DDX31: variants seen among roughly 807,000 people sequenced by gnomAD.
DDX31 encodes ATP-dependent DNA helicase DDX31.
In DDX31, 70 loss-of-function variants were observed where a neutral mutation model predicts 91.3. That is an observed-to-expected ratio of 0.77 (90% CI 0.63 to 0.94). The LOEUF (loss-of-function observed/expected upper bound fraction) is 0.94, where lower values mean the gene tolerates loss of function less well. Among genes scored for constraint, DDX31 ranks in the 40% least tolerant of loss-of-function variants. DDX31 has a pLI of 0.00. For missense variants in DDX31, 902 were observed against 925.0 expected, an observed-to-expected ratio of 0.98 and a Z score of 0.32; for synonymous variants, 362 against 350.6, an observed-to-expected ratio of 1.03 and a Z score of -0.36.
intron 9 of DDX31, 85 bp downstream of exon 9, chr9:132,650,149 G>A: frequency 7.6e-7 from 1 of 1,320,106 alleles, no homozygotes; most frequent in Non-Finnish European, 1.1e-6. Flanking sequence ...AAAGCTCTCA[G>A]CAGGTTTAGA....
intron 1 of DDX31, among the ~76,000 whole-genome samples, chr9:132,668,797 T>C (rs1183911687): frequency 6.6e-6 from 1 of 152,178 alleles, no homozygotes; most frequent in Admixed American, 6.5e-5. Flanking sequence ...CTCGATCTCC[T>C]GACCTCGTGA....
intron 6 of DDX31, among the ~76,000 whole-genome samples, chr9:132,655,629 A>G (rs1248386524): frequency 6.6e-6 from 1 of 152,212 alleles, no homozygotes; most frequent in Non-Finnish European, 1.5e-5. Context: ...GTACTCTTTG[A>G]AATTTTTAAA....
chr9:132,603,145 CAA>C (rs1830813203), intron 19 of DDX31, among the ~76,000 whole-genome samples: 1 of 152,188 alleles, frequency 6.6e-6, no homozygotes, highest in South Asian at 2.1e-4. Context: ...CGTAAGCCCT[CAA>C]AAGAGATGCT....
chr9:132,669,624 C>T, intron 1 of DDX31: 1 of 1,528,276 alleles, frequency 6.5e-7, no homozygotes, highest in Non-Finnish European at 8.8e-7. Context: ...GCGCAGGAGC[C>T]AGCTCCCCGC....
chr9:132,646,700 A>AATG, intron 12 of DDX31, 123 bp downstream of exon 12: 1 of 863,542 alleles, frequency 1.2e-6, no homozygotes, highest in Non-Finnish European at 1.9e-6. Flanking sequence ...CTGCATCCGG[A>AATG]ATGCAGACAT....
rs750525105 is a variant in DDX31, at chr9:132,651,117, C to G, written c.634-1G>C. 1.2e-6 allele frequency: 2 copies of G among 1,606,766 alleles called. No homozygotes were observed. Among genetic ancestry groups the G allele is most frequent in the Non-Finnish European group, 8.5e-7 (1 of 1,177,740 alleles). On this transcript the variant is annotated splice_acceptor_variant, in intron 7 of 19. Transcript: ENST00000372159. LOFTEE classifies it high-confidence loss of function. Reference sequence around the variant, plus strand: ...CAGTGTCAAAGCTTTGTAGAGCTAGCTGTAAAAATTTTAAAAGTTATAGAT... The same window carrying G: ...CAGTGTCAAAGCTTTGTAGAGCTAGGTGTAAAAATTTTAAAAGTTATAGAT...
At chr9:132,638,510 T>C in intron 14 of DDX31, 1 of 1,142,168 alleles carries the variant, frequency 8.8e-7, no homozygotes, top group Non-Finnish European at 1.3e-6. Flanking sequence ...AACTTGGCTT[T>C]TTCTTAGATC....
At chr9:132,599,671 T>C (rs1830623898) in intron 19 of DDX31, among the ~76,000 whole-genome samples, 1 of 152,262 alleles carries the variant, frequency 6.6e-6, no homozygotes, top group Non-Finnish European at 1.5e-5. Flanking sequence ...TGTCTGCCTT[T>C]TGGCTTTGAG....
intron 19 of DDX31, among the ~76,000 whole-genome samples, chr9:132,606,440 G>A (rs1390984612): frequency 6.6e-6 from 1 of 152,154 alleles, no homozygotes; most frequent in Middle Eastern, 3.2e-3. Context: ...AAAGTTCAAG[G>A]GTGCTAAAAG....
intron 7 of DDX31, 115 bp downstream of exon 7, chr9:132,652,333 C>A: frequency 1.7e-6 from 2 of 1,186,630 alleles, no homozygotes; most frequent in Non-Finnish European, 2.4e-6. Flanking sequence ...GCAAATGGAA[C>A]TGGTGTGCAG....
At chr9:132,618,673 C>T (rs1831801930) in intron 17 of DDX31, among the ~76,000 whole-genome samples, 1 of 152,182 alleles carries the variant, frequency 6.6e-6, no homozygotes, top group African/African-American at 2.4e-5. Context: ...TATTTACTTA[C>T]TTTTCTTCCT....
intron 6 of DDX31, among the ~76,000 whole-genome samples, chr9:132,652,902 T>C (rs951485205): frequency 6.6e-6 from 1 of 152,138 alleles, no homozygotes; most frequent in African/African-American, 2.4e-5. Context: ...CCCCCAGCCA[T>C]GTGGAACTGT....
At chr9:132,653,494 C>CAAAAAAAAAAAAAAAAAAAAAAAAAA (rs71376648) in intron 6 of DDX31, among the ~76,000 whole-genome samples, 2 of 20,662 alleles carry the variant, frequency 9.7e-5, no homozygotes, top group Non-Finnish European at 1.5e-4. Context: ...AACTCAGTCT[C>CAAAAAAAAAAAAAAAAAAAAAAAAAA]AAAAAAAAAA....
At chr9:132,608,748 C>T (rs1287021581) in intron 19 of DDX31, among the ~76,000 whole-genome samples, 4 of 152,188 alleles carry the variant, frequency 2.6e-5, no homozygotes, top group African/African-American at 7.2e-5. Context: ...TCTTGACAGA[C>T]GGATTTCAGA....
At chr9:132,656,757 C>T (rs1438524827) in intron 6 of DDX31, among the ~76,000 whole-genome samples, 1 of 152,192 alleles carries the variant, frequency 6.6e-6, no homozygotes, top group Non-Finnish European at 1.5e-5. Flanking sequence ...GCCATTCCAG[C>T]TCAAATAGTC....
chr9:132,669,014 G>T (rs1259337894), intron 1 of DDX31, among the ~76,000 whole-genome samples: 1 of 148,422 alleles, frequency 6.7e-6, no homozygotes, highest in Non-Finnish European at 1.5e-5. Context: ...TGACGGTTGA[G>T]TTTGTCTAAA....
intron 16 of DDX31, among the ~76,000 whole-genome samples, chr9:132,625,964 C>T (rs895231657): frequency 1.3e-5 from 2 of 152,134 alleles, no homozygotes; most frequent in Non-Finnish European, 2.9e-5. Flanking sequence ...TCTTTCCTCT[C>T]TGATGAATTT....
At chr9:132,627,725 C>T (rs900062962) in intron 16 of DDX31, among the ~76,000 whole-genome samples, 4 of 152,176 alleles carry the variant, frequency 2.6e-5, no homozygotes, top group African/African-American at 9.7e-5. Context: ...CTGTCTCTTG[C>T]CCTGTCTGCT....
At chr9:132,665,536 C>T (rs533182887) in intron 1 of DDX31, among the ~76,000 whole-genome samples, 2 of 152,246 alleles carry the variant, frequency 1.3e-5, no homozygotes, top group South Asian at 2.1e-4. Flanking sequence ...ACCAAGAATG[C>T]TTCGTGAGGT....
Sources: gnomAD v4.1 joint callset for allele counts (sites outside exome capture counted in the v4.1 genomes callset) on GRCh38, gnomAD v4.1.1 for gene constraint, MANE v1.5 for transcripts, NCBI Gene and HGNC (gene_info 2026-07-23, HGNC 2026-07-21) for gene names.